The following GDPD1 variants were observed in gnomAD, a reference collection of about 807,000 sequenced individuals.
GDPD1 encodes the protein lysophospholipase D GDPD1.
A neutral mutation model predicts 45.1 loss-of-function variants in GDPD1; 28 were observed. The observed-to-expected ratio is 0.62, with a 90% CI of 0.46 to 0.85. GDPD1 has a LOEUF of 0.85. Among genes scored for constraint, GDPD1 ranks in the 40% least tolerant of loss-of-function variants. The probability of loss-of-function intolerance (pLI) is 0.00; values close to 1 mark genes in which losing one functional copy is unlikely to be tolerated. For missense variants in GDPD1, 256 were observed against 364.8 expected (o/e 0.70, Z 2.43); for synonymous variants, 139 against 131.4 (o/e 1.06, Z -0.40).
chr17:59,228,463 G>A (rs142171532), intron 1 of GDPD1, among the ~76,000 whole-genome samples: 217 of 152,288 alleles, frequency 1.4e-3, no homozygotes, highest in African/African-American at 4.9e-3. Flanking sequence ...TGCCTTAGTA[G>A]AGCTATGCAT....
At chr17:59,257,865 TTATC>T (rs766886785) in intron 6 of GDPD1, 25 bp downstream of exon 6, 1 of 1,369,018 alleles carries the variant, frequency 7.3e-7, no homozygotes, top group Non-Finnish European at 1.0e-6. Flanking sequence ...TGATACAGAA[TTATC>T]TATCTTTGTT....
chr17:59,251,991 C>CAAAAAAAAA (rs34224346), intron 4 of GDPD1, among the ~76,000 whole-genome samples: 2 of 60,888 alleles, frequency 3.3e-5, no homozygotes, highest in East Asian at 5.1e-4. Flanking sequence ...GACTCAGTCT[C>CAAAAAAAAA]AAAAAAAAAA....
chr17:59,263,500 C>T (rs764020327), intron 6 of GDPD1, among the ~76,000 whole-genome samples: 96 of 1,256 alleles, frequency 0.076, no homozygotes, highest in Non-Finnish European at 0.16. Context: ...TTTTTTGAGA[C>T]GGAGTTTCAC....
intron 1 of GDPD1, among the ~76,000 whole-genome samples, chr17:59,221,980 C>T (rs2047008717): frequency 6.6e-6 from 1 of 152,080 alleles, no homozygotes; most frequent in Non-Finnish European, 1.5e-5. Context: ...AGTATTCTAG[C>T]CTTCCCACTC....
intron 2 of GDPD1, among the ~76,000 whole-genome samples, chr17:59,235,677 C>T (rs892046638): frequency 4.6e-5 from 7 of 151,908 alleles, no homozygotes; most frequent in African/African-American, 1.5e-4. Context: ...ATTAGCTGGG[C>T]GTGGTGGCAT....
At chr17:59,255,743 CAAAA>C (rs1174794003) in intron 4 of GDPD1, among the ~76,000 whole-genome samples, 329 of 26,372 alleles carry the variant, frequency 0.012, 1 homozygote, top group African/African-American at 0.017. Context: ...AACTCCGTCT[CAAAA>C]AAAAAAAAAA....
chr17:59,269,446 G>C (rs1365274637), intron 7 of GDPD1, among the ~76,000 whole-genome samples: 5 of 149,130 alleles, frequency 3.4e-5, no homozygotes, highest in Non-Finnish European at 7.4e-5. Flanking sequence ...CTGTTTCTCA[G>C]ACAAAACAAT....
At chr17:59,259,419 T>A (rs2047335125) in intron 6 of GDPD1, among the ~76,000 whole-genome samples, 3 of 151,144 alleles carry the variant, frequency 2.0e-5, no homozygotes, top group Admixed American at 2.0e-4. Flanking sequence ...TACAAAAAAT[T>A]AGCCAGGCGT....
intron 6 of GDPD1, among the ~76,000 whole-genome samples, chr17:59,259,312 A>G (rs1312676378): frequency 6.6e-6 from 1 of 151,976 alleles, no homozygotes; most frequent in Non-Finnish European, 1.5e-5. Flanking sequence ...TCACGCCTGT[A>G]ATCCCAGCAC....
At chr17:59,240,860 C>G (rs1448949517) in intron 2 of GDPD1, among the ~76,000 whole-genome samples, 1 of 152,196 alleles carries the variant, frequency 6.6e-6, no homozygotes, top group Non-Finnish European at 1.5e-5. Flanking sequence ...CTTCCATTCA[C>G]TCACCACTCA....
At position 59,274,932 on chromosome 17, in the gene GDPD1, C is replaced by G. The variant is rs2047471231; in HGVS notation, c.*1159C>G. Among the ~76,000 whole-genome samples, 1 of 150,746 alleles carries G rather than the reference C, an allele frequency of 6.6e-6. No individual in the cohort carries two copies. The highest frequency in any genetic ancestry group is 6.6e-5 in the Admixed American group (1 of 15,176). ...TCTTGGCTCACTGCAACCTCTGCCT[C>G]CCAGGTTCCAGCAATTCTCCTGCCT... On this transcript the variant is annotated 3_prime_UTR_variant, in exon 10 of 10. Coordinates refer to ENST00000284116, the MANE Select transcript of GDPD1 (RefSeq NM_182569.4).
chr17:59,250,370 C>T (rs2047243443), intron 4 of GDPD1, among the ~76,000 whole-genome samples: 1 of 152,038 alleles, frequency 6.6e-6, no homozygotes, highest in African/African-American at 2.4e-5. Flanking sequence ...CCTATAATCT[C>T]AGCACTTTGA....
chr17:59,236,200 A>T (rs956274056), intron 2 of GDPD1, among the ~76,000 whole-genome samples: 15 of 152,198 alleles, frequency 9.9e-5, no homozygotes, highest in African/African-American at 3.6e-4. Context: ...TTAAAGGATG[A>T]TACATTTGAA....
At chr17:59,233,376 G>A (rs1201166944) in intron 1 of GDPD1, among the ~76,000 whole-genome samples, 1 of 152,008 alleles carries the variant, frequency 6.6e-6, no homozygotes, top group Non-Finnish European at 1.5e-5. Context: ...GCCGGGCGTG[G>A]TGGTGGGCGC....
At chr17:59,228,127 G>C (rs12451128) in intron 1 of GDPD1, among the ~76,000 whole-genome samples, 41,157 of 144,292 alleles carry the variant, frequency 0.29, 6,473 homozygotes, top group African/African-American at 0.44. Flanking sequence ...AGCCGAGATT[G>C]TGCCACTGCA....
intron 8 of GDPD1, among the ~76,000 whole-genome samples, chr17:59,271,791 G>C (rs1263019509): frequency 6.6e-6 from 1 of 151,692 alleles, no homozygotes; most frequent in East Asian, 1.9e-4. Context: ...CTCCCACCAT[G>C]CCTGGTTAGT....
At chr17:59,240,891 C>A (rs752853004) in intron 2 of GDPD1, among the ~76,000 whole-genome samples, 6 of 152,216 alleles carry the variant, frequency 3.9e-5, no homozygotes, top group Non-Finnish European at 7.3e-5. Flanking sequence ...CCAAAAGCAA[C>A]TTCCAGTCCT....
chr17:59,236,598 T>C (rs1470031964), intron 2 of GDPD1, among the ~76,000 whole-genome samples: 1 of 152,076 alleles, frequency 6.6e-6, no homozygotes, highest in Non-Finnish European at 1.5e-5. Context: ...CAGGTTCAAA[T>C]GATTTCTCTG....
Position 59,262,638 on chromosome 17 carries a change from TG to T in GDPD1, c.577-4402del, listed in dbSNP as rs1421369466. Among the ~76,000 whole-genome samples the T allele has an allele frequency of 7.2e-4, 51 of 71,320 alleles. 1 individual carries two copies. The highest frequency in any genetic ancestry group is 5.3e-3 in the South Asian group (12 of 2,272). 46.8% of individuals were successfully genotyped at this position (71,320 alleles called of 152,430 possible). On this transcript the variant is annotated intron_variant, in intron 6 of 9. Coordinates refer to ENST00000284116, the MANE Select transcript of GDPD1 (RefSeq NM_182569.4). ...TTTGTATCTTGGTTTTGTTTTTTTT[TG>T]TTTTTTTTTTTTGAGACTCACTCTG... is the stretch of plus-strand genomic sequence containing the variant.
Sources: gnomAD v4.1 joint callset for allele counts (sites outside exome capture counted in the v4.1 genomes callset) on GRCh38, gnomAD v4.1.1 for gene constraint, MANE v1.5 for transcripts, NCBI Gene and HGNC (gene_info 2026-07-23, HGNC 2026-07-21) for gene names.